Variants in METTL15 observed in about 807,000 individuals in gnomAD.
The protein encoded by METTL15 is methyltransferase 15, mitochondrial 12S rRNA N4-cytidine, also known as 12S rRNA N(4)-cytidine methyltransferase METTL15.
A neutral mutation model predicts 38.3 loss-of-function variants in METTL15; 34 were observed. That is an observed-to-expected ratio of 0.89 (90% CI 0.68 to 1.18). METTL15 has a LOEUF of 1.18. Among genes scored for constraint, METTL15 ranks in the 50% most tolerant of loss-of-function variants. METTL15 has a pLI of 0.00. For synonymous variants in METTL15, 162 were observed against 170.9 expected (o/e 0.95, Z 0.41); for missense variants, 438 against 498.4 (o/e 0.88, Z 1.15).
intron 6 of METTL15, among the ~76,000 whole-genome samples, chr11:28,440,292 C>T (rs1414100042): frequency 1.3e-5 from 2 of 151,924 alleles, no homozygotes; most frequent in Non-Finnish European, 2.9e-5. Context: ...ATAATCATTA[C>T]AATCATGACT....
At chr11:28,512,041 C>T (rs1851679004) in intron 6 of METTL15, among the ~76,000 whole-genome samples, 1 of 151,862 alleles carries the variant, frequency 6.6e-6, no homozygotes, top group South Asian at 2.1e-4. Context: ...ATTCACAAAC[C>T]CTGAGCTAGA....
At chr11:28,521,818 C>G (rs1341557958) in intron 6 of METTL15, among the ~76,000 whole-genome samples, 1 of 152,130 alleles carries the variant, frequency 6.6e-6, no homozygotes, top group Non-Finnish European at 1.5e-5. Context: ...CTTGCTGTCT[C>G]TCTAGGTTTC....
intron 6 of METTL15, among the ~76,000 whole-genome samples, chr11:28,326,586 A>T (rs1849641051): frequency 6.6e-6 from 1 of 150,874 alleles, no homozygotes; most frequent in Non-Finnish European, 1.5e-5. Flanking sequence ...TTTAATTTTT[A>T]TATATTTTGA....
chr11:28,204,244 T>C (rs1441859543), intron 3 of METTL15, among the ~76,000 whole-genome samples: 5 of 151,968 alleles, frequency 3.3e-5, no homozygotes, highest in African/African-American at 1.2e-4. Context: ...CACTTTCATT[T>C]TGATTCTGAA....
chr11:28,222,326 C>G (rs1451729416), intron 4 of METTL15, among the ~76,000 whole-genome samples: 1 of 152,170 alleles, frequency 6.6e-6, no homozygotes, highest in Non-Finnish European at 1.5e-5. Flanking sequence ...ATGAGTGAGG[C>G]TCCGTGGGCA....
chr11:28,383,672 A>G (rs1167372216), intron 5 of METTL15, among the ~76,000 whole-genome samples: 1 of 152,044 alleles, frequency 6.6e-6, no homozygotes, highest in Non-Finnish European at 1.5e-5. Context: ...CTAGTGTGAG[A>G]TAGTATCTCG....
At chr11:28,515,801 C>T (rs1851715217) in intron 6 of METTL15, among the ~76,000 whole-genome samples, 2 of 152,190 alleles carry the variant, frequency 1.3e-5, no homozygotes, top group African/African-American at 4.8e-5. Context: ...TTGGATCAGG[C>T]AAGACACATA....
chr11:28,184,653 G>T (rs764311949), intron 3 of METTL15, among the ~76,000 whole-genome samples: 1 of 151,382 alleles, frequency 6.6e-6, no homozygotes, highest in African/African-American at 2.4e-5. Context: ...CAAGCATTAT[G>T]TATTACTATA....
chr11:28,166,276 G>A (rs1485564617), intron 3 of METTL15, among the ~76,000 whole-genome samples: 2 of 152,054 alleles, frequency 1.3e-5, no homozygotes, highest in Non-Finnish European at 2.9e-5. Context: ...TTCCCTCCTT[G>A]TGCAAACACT....
chr11:28,248,746 A>G (rs996011872), intron 4 of METTL15, among the ~76,000 whole-genome samples: 6 of 151,860 alleles, frequency 4.0e-5, no homozygotes, highest in African/African-American at 1.5e-4. Context: ...GTGTTTTACA[A>G]TTTATTTTAG....
intron 4 of METTL15, among the ~76,000 whole-genome samples, chr11:28,257,635 C>G (rs548457946): frequency 5.8e-4 from 89 of 152,212 alleles, no homozygotes; most frequent in African/African-American, 2.0e-3. Flanking sequence ...TTCAAGCTCA[C>G]TAATTCTTTC....
intron 3 of METTL15, among the ~76,000 whole-genome samples, chr11:28,152,900 A>G (rs1850140722): frequency 6.6e-6 from 1 of 152,048 alleles, no homozygotes; most frequent in Non-Finnish European, 1.5e-5. Flanking sequence ...TTTCTGGGAA[A>G]GGGGTGGGCA....
intron 6 of METTL15, among the ~76,000 whole-genome samples, chr11:28,311,904 T>C (rs1178522433): frequency 6.6e-6 from 1 of 152,210 alleles, no homozygotes; most frequent in Non-Finnish European, 1.5e-5. Context: ...AGCAGCTACA[T>C]TGCTCTTTGA....
At chr11:28,323,745 A>C (rs1414390073) in intron 6 of METTL15, among the ~76,000 whole-genome samples, 1 of 152,218 alleles carries the variant, frequency 6.6e-6, no homozygotes, top group Non-Finnish European at 1.5e-5. Context: ...TATATCCCAG[A>C]TGCAGAGCCA....
chr11:28,439,207 C>G lies in METTL15; in HGVS notation c.*424+14843C>G, dbSNP rs555446627. Among the ~76,000 whole-genome samples, 26 of 152,180 alleles carry G rather than the reference C, an allele frequency of 1.7e-4. No homozygotes were observed. In the East Asian group the frequency reaches 2.9e-3, roughly 17 times the overall value. ...ATCCATAGAGGGAACAATTGAAGTC[C>G]TAAAGGGACTAGGATATCTGTGGAG... On this transcript the variant is annotated intron_variant and NMD_transcript_variant, in intron 6 of 7. Coordinates refer to the METTL15 transcript ENST00000532947.
chr11:28,285,855 G>T (rs1250022280), intron 4 of METTL15, among the ~76,000 whole-genome samples: 1 of 152,004 alleles, frequency 6.6e-6, no homozygotes, highest in Admixed American at 6.6e-5. Context: ...TCTTTCCCCT[G>T]ACCCCAGGAA....
intron 6 of METTL15, among the ~76,000 whole-genome samples, chr11:28,470,519 C>A (rs922764628): frequency 6.6e-6 from 1 of 151,992 alleles, no homozygotes; most frequent in African/African-American, 2.4e-5. Flanking sequence ...GCTGCAGCAG[C>A]CATTTTAACA....
intron 5 of METTL15, among the ~76,000 whole-genome samples, chr11:28,403,425 C>G (rs774649583): frequency 3.9e-5 from 6 of 151,978 alleles, no homozygotes. Flanking sequence ...TCAGTATTAG[C>G]TATCATTGTC....
At chr11:28,293,010 G>T (rs1279813772) in intron 5 of METTL15, among the ~76,000 whole-genome samples, 1 of 152,100 alleles carries the variant, frequency 6.6e-6, no homozygotes, top group South Asian at 2.1e-4. Flanking sequence ...TAGGTTGCCT[G>T]TTCACTCTGA....
Sources: allele counts gnomAD v4.1 joint callset (sites outside exome capture counted in the v4.1 genomes callset), GRCh38; gene constraint gnomAD v4.1.1; transcripts MANE v1.5; gene names NCBI Gene and HGNC (gene_info 2026-07-23, HGNC 2026-07-21).